The following STK39 variants were observed in gnomAD, a reference collection of about 807,000 sequenced individuals.
STK39 encodes the protein STE20/SPS1-related proline-alanine-rich protein kinase.
Under a neutral mutation model 77.8 loss-of-function variants are expected in STK39, and 20 were observed. The observed-to-expected ratio is 0.26, with a 90% CI of 0.18 to 0.37. The LOEUF is 0.37. Ranked by LOEUF, STK39 falls within the 10% of genes least tolerant of loss-of-function variation. The pLI is 1.00. For missense variants in STK39, 479 were observed against 656.5 expected, an observed-to-expected ratio of 0.73 and a Z score of 2.95; for synonymous variants, 246 against 234.1, an observed-to-expected ratio of 1.05 and a Z score of -0.47.
chr2:168,141,671 G>A (rs1687988042), intron 5 of STK39, among the ~76,000 whole-genome samples: 1 of 152,176 alleles, frequency 6.6e-6, no homozygotes, highest in Non-Finnish European at 1.5e-5. Flanking sequence ...ATAGCGAGCT[G>A]GTGGGTAGTA....
At chr2:168,223,371 G>A (rs2105722552) in intron 1 of STK39, among the ~76,000 whole-genome samples, 1 of 152,010 alleles carries the variant, frequency 6.6e-6, no homozygotes, top group South Asian at 2.1e-4. Flanking sequence ...AATTAGCCGG[G>A]TGTGGTGGCA....
intron 1 of STK39, among the ~76,000 whole-genome samples, chr2:168,184,056 T>C (rs1427339723): frequency 6.6e-6 from 1 of 152,164 alleles, no homozygotes; most frequent in East Asian, 1.9e-4. Flanking sequence ...CCAGCTCAGC[T>C]TCTCCATCCT....
At chr2:168,181,155 G>T (rs1311589250) in intron 2 of STK39, among the ~76,000 whole-genome samples, 2 of 152,152 alleles carry the variant, frequency 1.3e-5, no homozygotes, top group African/African-American at 4.8e-5. Context: ...TGGGATTAGT[G>T]TGGGGATAAC....
intron 16 of STK39, among the ~76,000 whole-genome samples, chr2:168,003,613 A>G (rs1684054314): frequency 6.6e-6 from 1 of 152,226 alleles, no homozygotes; most frequent in Non-Finnish European, 1.5e-5. Context: ...GTAAAAATAT[A>G]TAAGAAAAGT....
intron 16 of STK39, among the ~76,000 whole-genome samples, chr2:167,985,640 G>A (rs889253353): frequency 6.6e-6 from 1 of 152,104 alleles, no homozygotes; most frequent in South Asian, 2.1e-4. Flanking sequence ...ACTGAATTTG[G>A]TGGACACATG....
At chr2:167,981,722 C>T (rs1396113089) in intron 16 of STK39, among the ~76,000 whole-genome samples, 2 of 152,154 alleles carry the variant, frequency 1.3e-5, no homozygotes, top group Non-Finnish European at 1.5e-5. Flanking sequence ...TACTTTGTAC[C>T]TCCAGCTTCA....
At chr2:168,164,873 C>G (rs1021226046) in intron 3 of STK39, among the ~76,000 whole-genome samples, 4 of 152,142 alleles carry the variant, frequency 2.6e-5, no homozygotes, top group Non-Finnish European at 4.4e-5. Flanking sequence ...AGTTTAAAAG[C>G]CAAAATTACC....
chr2:168,245,931 C>T (rs903928029), intron 1 of STK39, among the ~76,000 whole-genome samples: 2 of 152,026 alleles, frequency 1.3e-5, no homozygotes, highest in African/African-American at 4.8e-5. Flanking sequence ...TACGGACCTG[C>T]CCAACATTTT....
chr2:168,166,293 C>G (rs1688691716), intron 3 of STK39, among the ~76,000 whole-genome samples: 1 of 151,936 alleles, frequency 6.6e-6, no homozygotes, highest in African/African-American at 2.4e-5. Flanking sequence ...AGTAAGTGTT[C>G]AAAAAAGGCA....
At chr2:168,159,933 C>A (rs1297332580) in intron 5 of STK39, among the ~76,000 whole-genome samples, 4 of 152,188 alleles carry the variant, frequency 2.6e-5, no homozygotes, top group Admixed American at 2.6e-4. Context: ...AACTCAGCAG[C>A]CCGCACAGTG....
intron 16 of STK39, among the ~76,000 whole-genome samples, chr2:167,982,380 A>AT (rs1683442264): frequency 6.6e-6 from 1 of 152,190 alleles, no homozygotes; most frequent in African/African-American, 2.4e-5. Context: ...GGCTACAGTT[A>AT]TAGCACTGAC....
intron 14 of STK39, among the ~76,000 whole-genome samples, chr2:168,017,406 CAG>C (rs1684441703): frequency 2.2e-5 from 2 of 89,524 alleles, no homozygotes; most frequent in Admixed American, 3.0e-4. Context: ...TTTTTTGAGA[CAG>C]AGTTTCGCTC....
intron 12 of STK39, among the ~76,000 whole-genome samples, chr2:168,070,041 A>G (rs1685898557): frequency 6.6e-6 from 1 of 152,204 alleles, no homozygotes; most frequent in African/African-American, 2.4e-5. Flanking sequence ...ATTATTTTTG[A>G]CAAAAAGAGA....
At position 168,172,308 on chromosome 2, in the gene STK39, C is replaced by A. The variant is rs1400419859; in HGVS notation, c.322-4901G>T. On this transcript the variant is annotated intron_variant, in intron 2 of 17. Transcript: ENST00000355999. ...TGGCAGCAGCCGTCACTTTTTCCAA[C>A]AGAAATGTCACAGGACACATCTGTT... is the stretch of plus-strand genomic sequence containing the variant. Among the ~76,000 whole-genome samples, 5 of 152,304 alleles carry A rather than the reference C, an allele frequency of 3.3e-5. No individual in the cohort carries two copies. In the East Asian group the frequency reaches 7.7e-4, roughly 23 times the overall value.
intron 10 of STK39, among the ~76,000 whole-genome samples, chr2:168,096,531 A>C (rs73019414): frequency 0.022 from 3,304 of 152,304 alleles, 119 homozygotes; most frequent in African/African-American, 0.075. Flanking sequence ...AACAAAACCC[A>C]GGTGTCTCCT....
chr2:168,231,727 G>A (rs1690460857), intron 1 of STK39, among the ~76,000 whole-genome samples: 1 of 152,102 alleles, frequency 6.6e-6, no homozygotes, highest in Non-Finnish European at 1.5e-5. Context: ...GTGCCAGAGT[G>A]CTCTGTGAAG....
intron 1 of STK39, among the ~76,000 whole-genome samples, chr2:168,230,045 A>G (rs1411563414): frequency 6.6e-5 from 10 of 152,206 alleles, no homozygotes; most frequent in Admixed American, 5.9e-4. Context: ...AGTTTCCCCT[A>G]ATACGTGTGA....
intron 14 of STK39, among the ~76,000 whole-genome samples, chr2:168,051,037 T>G (rs1685382167): frequency 6.6e-6 from 1 of 152,224 alleles, no homozygotes; most frequent in Admixed American, 6.5e-5. Context: ...ATATACTTGT[T>G]ACCTTTCCAA....
intron 10 of STK39, among the ~76,000 whole-genome samples, chr2:168,120,253 T>C (rs1687370151): frequency 6.6e-6 from 1 of 152,248 alleles, no homozygotes; most frequent in East Asian, 1.9e-4. Flanking sequence ...TTGAGATAAA[T>C]GTGACGTAAG....
Sources: gnomAD v4.1 joint callset for allele counts (sites outside exome capture counted in the v4.1 genomes callset) on GRCh38, gnomAD v4.1.1 for gene constraint, MANE v1.5 for transcripts, NCBI Gene and HGNC (gene_info 2026-07-23, HGNC 2026-07-21) for gene names.